PPHLN1: variants seen among roughly 807,000 people sequenced by gnomAD.
PPHLN1 encodes periphilin 1, also known as periphilin-1.
A neutral mutation model predicts 51.3 loss-of-function variants in PPHLN1; 29 were observed. The observed-to-expected ratio is 0.57, with a 90% CI of 0.42 to 0.77. The LOEUF is 0.77. PPHLN1 is among the 30% of genes least tolerant of loss of function. PPHLN1 has a pLI of 0.00. For missense variants in PPHLN1, 436 were observed against 438.4 expected (o/e 0.99, Z 0.05); for synonymous variants, 147 against 147.8 (o/e 0.99, Z 0.04).
At chr12:42,431,882 C>T (rs1057446538) in intron 9 of PPHLN1, 147 of 1,592,160 alleles carry the variant, frequency 9.2e-5, no homozygotes, top group Non-Finnish European at 1.2e-4. Context: ...TCAGTCATTC[C>T]ATCCATCAGA....
intron 2 of PPHLN1, chr12:42,350,136 G>A (rs2073056456): frequency 6.6e-6 from 1 of 151,514 alleles, no homozygotes; most frequent in African/African-American, 2.4e-5. Context: ...CAGACGGGGC[G>A]GCTGCCGGGC....
At chr12:42,372,132 T>C (rs1289004781) in intron 4 of PPHLN1, among the ~76,000 whole-genome samples, 1 of 152,152 alleles carries the variant, frequency 6.6e-6, no homozygotes, top group Non-Finnish European at 1.5e-5. Flanking sequence ...CATTATATAA[T>C]ACACACACAC....
At chr12:42,390,818 G>GT (rs34282980) in intron 7 of PPHLN1, among the ~76,000 whole-genome samples, 11,466 of 118,510 alleles carry the variant, frequency 0.097, 837 homozygotes, top group East Asian at 0.29. Flanking sequence ...AGACCGTGAA[G>GT]TTTTTTTTTT....
At chr12:42,401,509 G>A (rs935170152) in intron 9 of PPHLN1, among the ~76,000 whole-genome samples, 4 of 151,596 alleles carry the variant, frequency 2.6e-5, no homozygotes, top group African/African-American at 9.7e-5. Flanking sequence ...GAGTGGCCAT[G>A]GGGAGGGGGG....
At chr12:42,346,016 A>G (rs2072265015) in intron 2 of PPHLN1, among the ~76,000 whole-genome samples, 1 of 152,170 alleles carries the variant, frequency 6.6e-6, no homozygotes, top group Non-Finnish European at 1.5e-5. Context: ...ATGCATATTC[A>G]TAGTACAGTG....
Position 42,432,679 on chromosome 12 carries a change from G to A in PPHLN1, c.910-8636G>A, listed in dbSNP as rs148498641. Among the ~76,000 whole-genome samples the A allele has an allele frequency of 7.4e-4, 112 of 152,160 alleles. 1 individual carries two copies. Among genetic ancestry groups the A allele is most frequent in the Middle Eastern group, 6.8e-3 (2 of 294 alleles). On this transcript the variant is annotated intron_variant, in intron 9 of 9. Coordinates refer to ENST00000358314, the MANE Select transcript of PPHLN1 (RefSeq NM_201439.2). ...CCAGTGTCTTCATCTAGCTCAATGCGGTAACTCCAGGAACCTTCCTAGCTT... is the reference window on the plus strand; with the variant it reads ...CCAGTGTCTTCATCTAGCTCAATGCAGTAACTCCAGGAACCTTCCTAGCTT...
chr12:42,359,483 T>G (rs1362331468), intron 4 of PPHLN1: 1 of 152,234 alleles, frequency 6.6e-6, no homozygotes, highest in Non-Finnish European at 1.5e-5. Context: ...TGCTTGTGTC[T>G]TCACTTGACG....
intron 2 of PPHLN1, among the ~76,000 whole-genome samples, chr12:42,340,454 A>G (rs1231046550): frequency 6.6e-6 from 1 of 152,250 alleles, no homozygotes; most frequent in African/African-American, 2.4e-5. Flanking sequence ...ACAACAAACC[A>G]GATGTCCAAC....
At chr12:42,422,990 TG>T (rs1180148847) in intron 9 of PPHLN1, among the ~76,000 whole-genome samples, 2 of 152,220 alleles carry the variant, frequency 1.3e-5, no homozygotes, top group African/African-American at 2.4e-5. Flanking sequence ...GAGCATAAAG[TG>T]GAAGTAGCAA....
In PPHLN1 at chr12:42,335,871, T is replaced by C; in HGVS notation, c.-20-12T>C. On this transcript the variant is annotated splice_polypyrimidine_tract_variant and intron_variant, in intron 1 of 9. Transcript: ENST00000358314. ...CTAGTATAAAATCCATAATTCTTTT[T>C]TTTTTCTTTAGTGGCTTACAGAAGA... is the stretch of plus-strand genomic sequence containing the variant. 6.7e-7 allele frequency: 1 copy of C among 1,485,042 alleles called. No individual in the cohort carries two copies. 92.0% of individuals were successfully genotyped at this position (1,485,042 alleles called of 1,614,324 possible). A position where few individuals can be genotyped will look rare whatever the true frequency, so the allele number is the denominator to read the frequency against.
rs35335129 is a variant in PPHLN1 at position 42,344,708 on chromosome 12, ATTTTT to A, written c.73-7163_73-7159del. ...CTTATGAGATTTAACAACAGTGTGG[ATTTTT>A]TTTTTTTTTTTTTGAGACAGAGTCT... is the stretch of plus-strand genomic sequence containing the variant. On this transcript the variant is annotated intron_variant, in intron 2 of 9. Coordinates refer to ENST00000358314, the MANE Select transcript of PPHLN1 (RefSeq NM_201439.2). 4.1e-4 allele frequency among the ~76,000 whole-genome samples: 55 copies of A among 134,072 alleles called. 1 individual carries two copies. Among genetic ancestry groups the A allele is most frequent in the African/African-American group, 1.5e-3 (55 of 36,198 alleles). The allele number at this position is 134,072 out of a possible 152,430, so 88.0% of individuals were successfully genotyped here.
At chr12:42,417,561 T>G (rs2080505603) in intron 9 of PPHLN1, among the ~76,000 whole-genome samples, 1 of 152,170 alleles carries the variant, frequency 6.6e-6, no homozygotes, top group Admixed American at 6.5e-5. Context: ...ATTGCAGTTT[T>G]GGACTTTTTC....
chr12:42,427,174 A>C lies in PPHLN1; in HGVS notation c.910-14141A>C, dbSNP rs1351094874. On this transcript the variant is annotated intron_variant, in intron 9 of 9. Transcript: ENST00000358314. ...TATTAAATTATTTCATGAAGACTGG[A>C]CTACCTCATCTGTGAAATTGTAAAA... Among the ~76,000 whole-genome samples, 3 of 152,216 alleles carry C rather than the reference A, an allele frequency of 2.0e-5. No individual in the cohort carries two copies. In the East Asian group the frequency reaches 5.8e-4, roughly 29 times the overall value.
At chr12:42,347,065 T>C (rs1333215694) in intron 2 of PPHLN1, 1 of 152,162 alleles carries the variant, frequency 6.6e-6, no homozygotes, top group African/African-American at 2.4e-5. Flanking sequence ...TTTTTGTTTG[T>C]TTGTTTCTTT....
chr12:42,441,528 A>G lies in PPHLN1; in HGVS notation c.*19A>G, dbSNP rs2082961468. On this transcript the variant is annotated 3_prime_UTR_variant, in exon 10 of 10. Coordinates refer to ENST00000358314, the MANE Select transcript of PPHLN1 (RefSeq NM_201439.2). Reference sequence around the variant, plus strand: ...TTTTTAGATTTTTCTGCTCAGGCTAAAAAAAAAAAAAAACAGTTTCTAAAA... The same window carrying G: ...TTTTTAGATTTTTCTGCTCAGGCTAGAAAAAAAAAAAAACAGTTTCTAAAA... The G allele has an allele frequency of 1.3e-6, 1 of 763,772 alleles. No homozygotes were observed. The highest frequency in any genetic ancestry group is 2.3e-5 in the South Asian group (1 of 43,188). The allele number at this position is 763,772 out of a possible 1,614,324, so 47.3% of individuals were successfully genotyped here.
rs1278702011 is a variant in PPHLN1, at chr12:42,332,816, ATTGT to A, written c.-20-3064_-20-3061del. 1.2e-4 allele frequency: 69 copies of A among 554,336 alleles called. 1 individual carries two copies. Among genetic ancestry groups the A allele is most frequent in the South Asian group, 3.8e-4 (10 of 26,350 alleles). 34.3% of individuals were successfully genotyped at this position (554,336 alleles called of 1,614,324 possible). A position where few individuals can be genotyped will look rare whatever the true frequency, so the allele number is the denominator to read the frequency against. On this transcript the variant is annotated intron_variant, in intron 1 of 9. Coordinates refer to ENST00000358314, the MANE Select transcript of PPHLN1 (RefSeq NM_201439.2). The stretch of plus-strand genomic sequence containing the variant: ...TACATACTATTTCTTTAGAACTCTT[ATTGT>A]TTATTTTTCTCATTTATTACAAAAC...
At chr12:42,435,480 A>G (rs1275789997) in intron 9 of PPHLN1, among the ~76,000 whole-genome samples, 1 of 152,210 alleles carries the variant, frequency 6.6e-6, no homozygotes, top group Admixed American at 6.5e-5. Flanking sequence ...ATACAGCACA[A>G]GCAGCAACAT....
intron 9 of PPHLN1, among the ~76,000 whole-genome samples, chr12:42,402,467 A>T (rs2078928660): frequency 6.6e-6 from 1 of 152,126 alleles, no homozygotes; most frequent in African/African-American, 2.4e-5. Context: ...TTTTATTTTG[A>T]ATTCCGTACT....
At chr12:42,362,077 C>G (rs2074754418) in intron 4 of PPHLN1, among the ~76,000 whole-genome samples, 1 of 152,174 alleles carries the variant, frequency 6.6e-6, no homozygotes, top group Admixed American at 6.5e-5. Context: ...TGTGTGTAAC[C>G]ATCCTCAAGA....
Sources: gnomAD v4.1 joint callset for allele counts (sites outside exome capture counted in the v4.1 genomes callset) on GRCh38, gnomAD v4.1.1 for gene constraint, MANE v1.5 for transcripts, NCBI Gene and HGNC (gene_info 2026-07-23, HGNC 2026-07-21) for gene names.